The following MTX2 variants were observed in gnomAD, a reference collection of about 807,000 sequenced individuals.
MTX2 encodes the protein metaxin 2.
A neutral mutation model predicts 42.3 loss-of-function variants in MTX2; 35 were observed. That is an observed-to-expected ratio of 0.83 (90% CI 0.63 to 1.10). The LOEUF is 1.10. Among genes scored for constraint, MTX2 ranks in the 50% least tolerant of loss-of-function variants. The pLI, the probability that MTX2 is intolerant of heterozygous loss-of-function variation, is 0.00. For synonymous variants in MTX2, 119 were observed against 100.9 expected (o/e 1.18, Z -1.08); for missense variants, 307 against 304.1 (o/e 1.01, Z -0.07).
intron 3 of MTX2, among the ~76,000 whole-genome samples, chr2:176,301,255 G>A (rs1487072077): frequency 1.3e-5 from 2 of 152,082 alleles, no homozygotes; most frequent in East Asian, 3.9e-4. Context: ...CTAGTGCACA[G>A]TACTATTATT....
At chr2:176,314,291 G>T (rs1411602799) in intron 3 of MTX2, among the ~76,000 whole-genome samples, 1 of 151,980 alleles carries the variant, frequency 6.6e-6, no homozygotes, top group Non-Finnish European at 1.5e-5. Context: ...CAAAAAATTA[G>T]CTGGGTGTAG....
At chr2:176,312,586 G>A (rs939032437) in intron 3 of MTX2, among the ~76,000 whole-genome samples, 6 of 151,942 alleles carry the variant, frequency 3.9e-5, no homozygotes, top group Admixed American at 6.6e-5. Context: ...CTATTGGGCC[G>A]GGTGTGGTGT....
At chr2:176,278,925 C>T (rs530530285) in intron 1 of MTX2, among the ~76,000 whole-genome samples, 18 of 151,980 alleles carry the variant, frequency 1.2e-4, no homozygotes, top group South Asian at 6.2e-4. Context: ...TATTTTTGTA[C>T]GCTCTATAAA....
At chr2:176,292,173 C>G (rs894997654) in intron 1 of MTX2, among the ~76,000 whole-genome samples, 5 of 152,164 alleles carry the variant, frequency 3.3e-5, no homozygotes, top group Admixed American at 2.6e-4. Flanking sequence ...TGTGTTTATT[C>G]TAAGGCTGTC....
chr2:176,271,113 T>C (rs1692794648), intron 1 of MTX2, among the ~76,000 whole-genome samples: 1 of 152,168 alleles, frequency 6.6e-6, no homozygotes, highest in African/African-American at 2.4e-5. Context: ...CGTTTAAAAA[T>C]TTCTAGGCAT....
Position 176,269,594 on chromosome 2 carries a change from G to T in MTX2, c.-36G>T. 1 of 1,566,014 alleles carries T rather than the reference G, an allele frequency of 6.4e-7. No individual in the cohort carries two copies. The highest frequency in any genetic ancestry group is 2.3e-5 in the East Asian group (1 of 42,734). ...CGGTGGAGGACGCTGAGGCCCGTGG[G>T]GGGCAGGCACCCGGGCGCCGGGCCT... is the stretch of plus-strand genomic sequence containing the variant. On this transcript the variant is annotated 5_prime_UTR_variant, in exon 1 of 10. Coordinates refer to ENST00000249442, the MANE Select transcript of MTX2 (RefSeq NM_006554.5).
chr2:176,327,609 T>G (rs557352384), intron 5 of MTX2, among the ~76,000 whole-genome samples: 227 of 149,844 alleles, frequency 1.5e-3, no homozygotes, highest in African/African-American at 5.2e-3. Context: ...CCCCCTGTAT[T>G]GGATAAATTA....
At chr2:176,322,238 T>G (rs1684602905) in intron 3 of MTX2, among the ~76,000 whole-genome samples, 1 of 152,160 alleles carries the variant, frequency 6.6e-6, no homozygotes, top group Non-Finnish European at 1.5e-5. Flanking sequence ...ATCACTGTTT[T>G]GTACCCTTAA....
chr2:176,286,580 G>A (rs1329550432), intron 1 of MTX2, among the ~76,000 whole-genome samples: 4 of 147,468 alleles, frequency 2.7e-5, no homozygotes, highest in South Asian at 2.1e-4. Flanking sequence ...ATGGAGTTTC[G>A]CTCTGGTTGC....
rs1356405509 is a variant in MTX2, at chr2:176,307,124, A to G, written c.135+9229A>G. ...GGGATCCAGTTTCAGCTTTCTACAT[A>G]TGGCTAGCCAGTTTTCCCAGCACCA... On this transcript the variant is annotated intron_variant, in intron 3 of 9. Coordinates refer to ENST00000249442, the MANE Select transcript of MTX2 (RefSeq NM_006554.5). Among the ~76,000 whole-genome samples the G allele has an allele frequency of 2.0e-5, 3 of 152,172 alleles. No homozygotes were observed. In the East Asian group the frequency reaches 5.8e-4, roughly 29 times the overall value.
At chr2:176,333,818 G>A (rs547135645) in intron 9 of MTX2, among the ~76,000 whole-genome samples, 1 of 151,706 alleles carries the variant, frequency 6.6e-6, no homozygotes, top group East Asian at 1.9e-4. Context: ...ACAGTATTCT[G>A]TTTGGCAATG....
intron 3 of MTX2, among the ~76,000 whole-genome samples, chr2:176,312,023 G>T (rs981594699): frequency 6.6e-6 from 1 of 152,126 alleles, no homozygotes; most frequent in African/African-American, 2.4e-5. Context: ...ATTCCTGTTC[G>T]GCCCTCTTGC....
intron 3 of MTX2, among the ~76,000 whole-genome samples, chr2:176,306,610 C>T (rs1424933826): frequency 2.6e-5 from 4 of 152,120 alleles, no homozygotes; most frequent in Non-Finnish European, 5.9e-5. Flanking sequence ...TTCTAACTGG[C>T]ATGAGATGAT....
Position 176,290,568 on chromosome 2 carries a change from C to G in MTX2, c.41-6292C>G, listed in dbSNP as rs183729541. Among the ~76,000 whole-genome samples the G allele has an allele frequency of 2.2e-3, 334 of 152,172 alleles. 3 individuals carry two copies. Among genetic ancestry groups the G allele is most frequent in the African/African-American group, 7.8e-3 (325 of 41,522 alleles). ...AAGAAGTTGTCCTTTTGGATTTTGT[C>G]TTTTCCCAAACCAAGAGATCAGCTT... On this transcript the variant is annotated intron_variant, in intron 1 of 9. Transcript: ENST00000249442.
chr2:176,337,685 A>G lies in MTX2; in HGVS notation c.*21A>G. 1 of 1,515,190 alleles carries G rather than the reference A, an allele frequency of 6.6e-7. No homozygotes were observed. 93.9% of individuals were successfully genotyped at this position (1,515,190 alleles called of 1,614,324 possible). A position where few individuals can be genotyped will look rare whatever the true frequency, so the allele number is the denominator to read the frequency against. On this transcript the variant is annotated 3_prime_UTR_variant, in exon 10 of 10. Coordinates refer to ENST00000249442, the MANE Select transcript of MTX2 (RefSeq NM_006554.5). ...CATAGAGTTATGTGTTAGTCTCAGG[A>G]GTCTTAACTTTTGAAATATGTTTTA...
intron 2 of MTX2, 90 bp downstream of exon 2, chr2:176,296,997 A>G: frequency 7.5e-7 from 1 of 1,325,268 alleles, no homozygotes; most frequent in Non-Finnish European, 1.1e-6. Context: ...TGCAAAGAGA[A>G]TATAAAATGT....
intron 3 of MTX2, among the ~76,000 whole-genome samples, chr2:176,308,217 G>T: frequency 6.6e-6 from 1 of 152,150 alleles, no homozygotes; most frequent in East Asian, 1.9e-4. Flanking sequence ...ATTTGCGTAT[G>T]TTGAACCAGC....
At chr2:176,322,071 G>C (rs1684598053) in intron 3 of MTX2, among the ~76,000 whole-genome samples, 1 of 152,092 alleles carries the variant, frequency 6.6e-6, no homozygotes, top group Non-Finnish European at 1.5e-5. Context: ...ATAAGTTACA[G>C]AGCAATGTAA....
Position 176,297,929 on chromosome 2 carries a change from C to A in MTX2, c.135+34C>A, listed in dbSNP as rs200490935. ...GTAAATAATGTAATATCTTTTTCACCCCCTAGGTGGTTTGCATCATTTTGA... is the reference window on the plus strand; with the variant it reads ...GTAAATAATGTAATATCTTTTTCACACCCTAGGTGGTTTGCATCATTTTGA... On this transcript the variant is annotated intron_variant, in intron 3 of 9. Transcript: ENST00000249442. 15 of 1,489,324 alleles carry A rather than the reference C, an allele frequency of 1.0e-5. No individual in the cohort carries two copies. In the Admixed American group the frequency reaches 1.1e-4, roughly 11 times the overall value. The allele number at this position is 1,489,324 out of a possible 1,614,324, so 92.3% of individuals were successfully genotyped here.
Sources: allele counts gnomAD v4.1 joint callset (sites outside exome capture counted in the v4.1 genomes callset), GRCh38; gene constraint gnomAD v4.1.1; transcripts MANE v1.5; gene names NCBI Gene and HGNC (gene_info 2026-07-23, HGNC 2026-07-21).